The following PNPLA1 variants were observed in gnomAD, a reference collection of about 807,000 sequenced individuals.
The protein encoded by PNPLA1 is omega-hydroxyceramide transacylase.
PNPLA1 carries 36 observed loss-of-function variants against 51.7 expected under a neutral mutation model. The observed-to-expected ratio is 0.70, with a 90% CI of 0.53 to 0.92. PNPLA1 has a LOEUF of 0.92. PNPLA1 is among the 40% of genes least tolerant of loss of function. The pLI, the probability that PNPLA1 is intolerant of heterozygous loss-of-function variation, is 0.00. For synonymous variants in PNPLA1, 293 were observed against 280.1 expected, an observed-to-expected ratio of 1.05 and a Z score of -0.46; for missense variants, 658 against 682.5, an observed-to-expected ratio of 0.96 and a Z score of 0.40.
intron 1 of PNPLA1, among the ~76,000 whole-genome samples, chr6:36,262,375 G>A (rs1769670464): frequency 6.6e-6 from 1 of 152,124 alleles, no homozygotes; most frequent in Non-Finnish European, 1.5e-5. Flanking sequence ...GAAACCTCCT[G>A]CCCCATTTCT....
At chr6:36,249,306 T>C (rs1286504405) in intron 1 of PNPLA1, among the ~76,000 whole-genome samples, 4 of 152,046 alleles carry the variant, frequency 2.6e-5, no homozygotes, top group East Asian at 1.9e-4. Context: ...GGAGTTTCCA[T>C]TGAGATGAAT....
chr6:36,292,558 G>A (rs548121104), intron 2 of PNPLA1, among the ~76,000 whole-genome samples: 1 of 152,174 alleles, frequency 6.6e-6, no homozygotes, highest in African/African-American at 2.4e-5. Context: ...CCTCCTGCCA[G>A]GGCACTTCCC....
chr6:36,307,508 T>A (rs1281886224), intron 7 of PNPLA1, 79 bp from the exon 8 acceptor site: 1 of 1,528,294 alleles, frequency 6.5e-7, no homozygotes. Context: ...TGTGTCCACC[T>A]GCGGAGCTGA....
rs769486252 is a variant in PNPLA1 at position 36,302,344 on chromosome 6, C to A, written c.1259C>A (p.Pro420His). ...SPARSLHSQA[P>H]TSPRPSLGPS... ...GCCAGATCCCTACACTCTCAGGCAC[C>A]CACTTCACCCAGGCCATCCCTGGGG... Residue 420 changes from proline to histidine, a missense_variant, in exon 6 of 9, where the codon CCC (proline) becomes CAC (histidine). Coordinates refer to ENST00000636260, the MANE Select transcript of PNPLA1 (RefSeq NM_001374623.1). The A allele has an allele frequency of 3.7e-6, 6 of 1,612,938 alleles. No individual in the cohort carries two copies. The highest frequency in any genetic ancestry group is 5.1e-6 in the Non-Finnish European group (6 of 1,179,272).
intron 1 of PNPLA1, among the ~76,000 whole-genome samples, chr6:36,255,929 G>C (rs1389003960): frequency 6.6e-6 from 1 of 152,158 alleles, no homozygotes; most frequent in East Asian, 1.9e-4. Flanking sequence ...GTCTGGGCTT[G>C]GGCTGAGATG....
intron 1 of PNPLA1, among the ~76,000 whole-genome samples, chr6:36,261,647 A>G (rs1769650994): frequency 6.6e-6 from 1 of 152,240 alleles, no homozygotes; most frequent in African/African-American, 2.4e-5. Context: ...AGCGAGAAAT[A>G]AAGAATAAAA....
intron 5 of PNPLA1, among the ~76,000 whole-genome samples, chr6:36,297,280 C>T (rs904368960): frequency 1.4e-4 from 22 of 152,272 alleles, no homozygotes; most frequent in Middle Eastern, 3.4e-3. Context: ...GGTTTCTCAG[C>T]GCAGATTTCA....
intron 1 of PNPLA1, among the ~76,000 whole-genome samples, chr6:36,273,887 C>T (rs1007491789): frequency 6.6e-6 from 1 of 152,076 alleles, no homozygotes; most frequent in Non-Finnish European, 1.5e-5. Context: ...GTAAAAAGGA[C>T]ATCAAGCAGT....
chr6:36,246,624 C>T (rs991878907), intron 1 of PNPLA1, among the ~76,000 whole-genome samples: 1 of 151,134 alleles, frequency 6.6e-6, no homozygotes, highest in African/African-American at 2.5e-5. Flanking sequence ...GGTATGATTT[C>T]AGAGACAACA....
chr6:36,246,028 G>T lies in PNPLA1; in HGVS notation c.-81+2767G>T, dbSNP rs1478110533. ...TTTGTTTGCCAACAAACATGAGAAAGATTAGGATATCTAGCCAACATTTTG... is the reference window on the plus strand; with the variant it reads ...TTTGTTTGCCAACAAACATGAGAAATATTAGGATATCTAGCCAACATTTTG... On this transcript the variant is annotated intron_variant, in intron 1 of 7. Coordinates refer to the PNPLA1 transcript ENST00000312917. 2.0e-5 allele frequency among the ~76,000 whole-genome samples: 3 copies of T among 152,160 alleles called. No homozygotes were observed. The East Asian group carries it at 5.8e-4, about 29-fold the overall frequency.
At chr6:36,305,153 A>G (rs1322537639) in intron 6 of PNPLA1, among the ~76,000 whole-genome samples, 1 of 152,196 alleles carries the variant, frequency 6.6e-6, no homozygotes, top group African/African-American at 2.4e-5. Flanking sequence ...TCTATAAAAA[A>G]TTCATTAACT....
intron 1 of PNPLA1, among the ~76,000 whole-genome samples, chr6:36,256,538 C>T (rs34262487): frequency 9.3e-5 from 14 of 150,614 alleles, no homozygotes; most frequent in African/African-American, 3.4e-4. Context: ...ACCTCCACCT[C>T]CTGGGTTCAA....
intron 1 of PNPLA1, among the ~76,000 whole-genome samples, chr6:36,248,284 T>C (rs1451679574): frequency 6.6e-6 from 1 of 152,146 alleles, no homozygotes; most frequent in African/African-American, 2.4e-5. Context: ...CTGCAAAACT[T>C]GCTTCCTGAG....
chr6:36,269,991 A>G (rs1223414953), upstream of PNPLA1, among the ~76,000 whole-genome samples: 1 of 152,150 alleles, frequency 6.6e-6, no homozygotes, highest in Non-Finnish European at 1.5e-5. Context: ...GGAGGTGTAC[A>G]CCGATAACCA....
rs533404664 is a variant in PNPLA1, at chr6:36,306,440, G to T, written c.1469+64G>T. 187 of 1,427,248 alleles carry T rather than the reference G, an allele frequency of 1.3e-4. No individual in the cohort carries two copies. The African/African-American group carries it at 2.4e-3, about 18-fold the overall frequency. The allele number at this position is 1,427,248 out of a possible 1,614,324, so 88.4% of individuals were successfully genotyped here. ...ACGGAAGAAGCAAGCCCGGCTAAGC[G>T]ATATCTTCCACCACCTTAGCTGCCC... On this transcript the variant is annotated intron_variant, in intron 7 of 8. Transcript: ENST00000636260.
intron 6 of PNPLA1, among the ~76,000 whole-genome samples, chr6:36,303,368 C>G (rs1176647432): frequency 6.6e-6 from 1 of 152,220 alleles, no homozygotes; most frequent in Non-Finnish European, 1.5e-5. Context: ...GCTGGGACTA[C>G]AGGCGTGAGC....
intron 8 of PNPLA1, among the ~76,000 whole-genome samples, chr6:36,309,753 G>A (rs1429496128): frequency 6.6e-6 from 1 of 152,232 alleles, no homozygotes; most frequent in Non-Finnish European, 1.5e-5. Context: ...GAGCCTGCCT[G>A]GAGGTGGCAA....
At chr6:36,300,692 G>A (rs531345436) in intron 5 of PNPLA1, among the ~76,000 whole-genome samples, 7 of 152,214 alleles carry the variant, frequency 4.6e-5, no homozygotes, top group Non-Finnish European at 7.4e-5. Context: ...GACCATGACC[G>A]CCTGGCCGAG....
chr6:36,245,538 A>G (rs1292231510), intron 1 of PNPLA1, among the ~76,000 whole-genome samples: 1 of 151,722 alleles, frequency 6.6e-6, no homozygotes, highest in Non-Finnish European at 1.5e-5. Context: ...AGGCCCTTAA[A>G]CTCTGTCTCA....
Sources: allele counts gnomAD v4.1 joint callset (sites outside exome capture counted in the v4.1 genomes callset), GRCh38; gene constraint gnomAD v4.1.1; transcripts MANE v1.5; gene names NCBI Gene and HGNC (gene_info 2026-07-23, HGNC 2026-07-21).